Variants in BTBD7 observed in about 807,000 individuals in gnomAD.
BTBD7 encodes BTB domain containing 7.
BTBD7 carries 38 observed loss-of-function variants against 99.9 expected under a neutral mutation model. The ratio of observed to expected loss-of-function variants is 0.38; its 90% CI spans 0.29 to 0.50. BTBD7 has a LOEUF of 0.50. BTBD7 is among the 20% of genes least tolerant of loss of function. The pLI, the probability that BTBD7 is intolerant of heterozygous loss-of-function variation, is 0.93. For missense variants in BTBD7, 1,170 were observed against 1,394.6 expected (o/e 0.84, Z 2.57); for synonymous variants, 520 against 511.4 (o/e 1.02, Z -0.23).
At chr14:93,268,080 C>G (rs74499882) in intron 3 of BTBD7, among the ~76,000 whole-genome samples, 1,699 of 152,320 alleles carry the variant, frequency 0.011, 32 homozygotes, top group African/African-American at 0.039. Flanking sequence ...ACTCTACACC[C>G]GTCATACTGT....
At chr14:93,317,905 CTT>C (rs1166580408) in intron 1 of BTBD7, among the ~76,000 whole-genome samples, 1 of 152,334 alleles carries the variant, frequency 6.6e-6, no homozygotes, top group East Asian at 1.9e-4. Context: ...CAGTGAGTCT[CTT>C]ATAAGCTTCC....
chr14:93,297,528 G>A (rs1017854944), intron 1 of BTBD7, among the ~76,000 whole-genome samples: 2 of 152,096 alleles, frequency 1.3e-5, no homozygotes, highest in Non-Finnish European at 1.5e-5. Flanking sequence ...TCACCATGTT[G>A]GCCAGGCTGG....
intron 3 of BTBD7, chr14:93,288,234 G>A: frequency 2.3e-6 from 1 of 426,984 alleles, no homozygotes. Flanking sequence ...CTTAGATACT[G>A]TCTTCTCTTC....
At chr14:93,264,081 C>A in intron 3 of BTBD7, 88 bp from the exon 4 acceptor site, 3 of 1,210,256 alleles carry the variant, frequency 2.5e-6, no homozygotes, top group Admixed American at 2.3e-5. Context: ...TTAAAAGTCA[C>A]AATAGCAAAA....
chr14:93,288,492 T>TC (rs1555391064), intron 3 of BTBD7: 1 of 752,908 alleles, frequency 1.3e-6, no homozygotes, highest in South Asian at 1.4e-5. Context: ...TTCTTTTATA[T>TC]AAGGATATTT....
intron 3 of BTBD7, among the ~76,000 whole-genome samples, chr14:93,267,937 A>G (rs1370566597): frequency 2.6e-5 from 4 of 152,190 alleles, no homozygotes; most frequent in African/African-American, 9.7e-5. Flanking sequence ...ATCTTTTAAA[A>G]TGTAAATTAT....
rs565743612 is a variant in BTBD7, at chr14:93,326,672, C to T, written c.-107+6148G>A. ...CAAAAATCAGCCAGGTGTGGTGGCGCGTACCTACAGTCCCAGCTACTTGGG... is the reference window on the plus strand; with the variant it reads ...CAAAAATCAGCCAGGTGTGGTGGCGTGTACCTACAGTCCCAGCTACTTGGG... On this transcript the variant is annotated intron_variant, in intron 1 of 10. Coordinates refer to ENST00000334746, the MANE Select transcript of BTBD7 (RefSeq NM_001002860.4). Among the ~76,000 whole-genome samples, 188 of 152,106 alleles carry T rather than the reference C, an allele frequency of 1.2e-3. 1 individual carries two copies. The highest frequency in any genetic ancestry group is 3.5e-3 in the Admixed American group (54 of 15,278).
intron 1 of BTBD7, among the ~76,000 whole-genome samples, chr14:93,325,413 C>T (rs1203008422): frequency 7.0e-6 from 1 of 143,606 alleles, no homozygotes; most frequent in Non-Finnish European, 1.5e-5. Context: ...CAGGTGTGAG[C>T]CATCGTGTCT....
chr14:93,316,655 G>A (rs2053210433), intron 1 of BTBD7, among the ~76,000 whole-genome samples: 1 of 152,152 alleles, frequency 6.6e-6, no homozygotes, highest in Admixed American at 6.5e-5. Context: ...CCAGTGCCTA[G>A]AACTGTGTCT....
Position 93,253,760 on chromosome 14 carries a change from A to T in BTBD7, c.1639T>A (p.Ser547Thr), listed in dbSNP as rs144065175. Residue 547 changes from serine (S) to threonine (T), a missense_variant, in exon 7 of 11, where the codon TCA becomes ACA. Physicochemically the swap from Ser to Thr is moderately conservative, Grantham distance 58. Transcript: ENST00000334746. ...MKRGLISTPP[S>T]DMLPTTEGGK... ...CCTTCTGTTGTAGGAAGCATATCTG[A>T]TGGAGGAGTACTAATCAAGCCTCTT... The T allele has an allele frequency of 1.4e-4, 231 of 1,610,830 alleles. No homozygotes were observed. The African/African-American group carries it at 2.7e-3, about 19-fold the overall frequency.
At position 93,240,136 on chromosome 14, in the gene BTBD7, C is replaced by T. The variant is rs1365015392; in HGVS notation, c.*2137G>A. ...ATGCTTTTCTCTTTAAAAAAGGAGC[C>T]TCGAATGCGATGCACAGCCGACCTG... is the stretch of plus-strand genomic sequence containing the variant. On this transcript the variant is annotated 3_prime_UTR_variant, in exon 11 of 11. Coordinates refer to ENST00000334746, the MANE Select transcript of BTBD7 (RefSeq NM_001002860.4). 6.6e-6 allele frequency: 1 copy of T among 152,364 alleles called. No homozygotes were observed. Among genetic ancestry groups the T allele is most frequent in the Non-Finnish European group, 1.5e-5 (1 of 68,048 alleles). 9.4% of individuals were successfully genotyped at this position (152,364 alleles called of 1,614,324 possible).
intron 3 of BTBD7, among the ~76,000 whole-genome samples, chr14:93,286,563 T>A (rs1481799399): frequency 2.6e-5 from 4 of 152,178 alleles, no homozygotes; most frequent in African/African-American, 9.7e-5. Context: ...TTTCAATCAC[T>A]ATAGTTTTCT....
intron 1 of BTBD7, among the ~76,000 whole-genome samples, chr14:93,299,972 T>G (rs918039566): frequency 4.6e-5 from 7 of 152,216 alleles, no homozygotes; most frequent in Admixed American, 4.6e-4. Context: ...CATGAAGGAA[T>G]GAACTTGCAT....
intron 1 of BTBD7, among the ~76,000 whole-genome samples, chr14:93,307,148 A>G (rs2053079318): frequency 6.6e-6 from 1 of 152,122 alleles, no homozygotes; most frequent in Non-Finnish European, 1.5e-5. Context: ...TTCTATTTTT[A>G]GTTTTCCTGT....
At chr14:93,245,158 GGCCAAAAAAAAA>G (rs1157024662) in intron 10 of BTBD7, among the ~76,000 whole-genome samples, 1 of 49,104 alleles carries the variant, frequency 2.0e-5, no homozygotes, top group Non-Finnish European at 3.4e-5. Flanking sequence ...CATGGCACCT[GGCCAAAAAAAAA>G]AAAAAAACTT....
At position 93,277,208 on chromosome 14, in the gene BTBD7, A is replaced by T. The variant is rs572881860; in HGVS notation, c.1163-13215T>A. On this transcript the variant is annotated intron_variant, in intron 3 of 10. Transcript: ENST00000334746. ...TGAGCCACTGTGCCCGGCTCAGGTTAATAATTCTTAAGGTACTCAATTGAC... is the reference window on the plus strand; with the variant it reads ...TGAGCCACTGTGCCCGGCTCAGGTTTATAATTCTTAAGGTACTCAATTGAC... Among the ~76,000 whole-genome samples, 65 of 152,236 alleles carry T rather than the reference A, an allele frequency of 4.3e-4. 1 individual carries two copies. The South Asian group carries it at 0.013, about 30-fold the overall frequency.
intron 3 of BTBD7, among the ~76,000 whole-genome samples, chr14:93,277,048 C>T (rs1003722567): frequency 3.3e-5 from 5 of 151,650 alleles, no homozygotes; most frequent in African/African-American, 9.7e-5. Context: ...ATTACAGGCA[C>T]GCACCACCAC....
intron 3 of BTBD7, among the ~76,000 whole-genome samples, chr14:93,276,107 T>C (rs998270432): frequency 7.9e-5 from 12 of 152,136 alleles, no homozygotes; most frequent in East Asian, 1.9e-4. Flanking sequence ...TCCCAGCTAC[T>C]TGGGAGGCTG....
chr14:93,332,859 C>T lies in BTBD7; in HGVS notation c.-146G>A. 1 of 1,475,182 alleles carries T rather than the reference C, an allele frequency of 6.8e-7. No individual in the cohort carries two copies. The highest frequency in any genetic ancestry group is 8.9e-7 in the Non-Finnish European group (1 of 1,118,722). 91.4% of individuals were successfully genotyped at this position (1,475,182 alleles called of 1,614,324 possible). On this transcript the variant is annotated 5_prime_UTR_variant, in exon 1 of 11. Transcript: ENST00000334746. ...CCGCCGCTGCTGCTGCCGCTGGGAC[C>T]GCTGCCGTCGCCTCCGCCGCCGCCG...
Sources: allele counts gnomAD v4.1 joint callset (sites outside exome capture counted in the v4.1 genomes callset), GRCh38; gene constraint gnomAD v4.1.1; transcripts MANE v1.5; gene names NCBI Gene and HGNC (gene_info 2026-07-23, HGNC 2026-07-21).